APH1B: variants seen among roughly 807,000 people sequenced by gnomAD.
The protein encoded by APH1B is aph-1B gamma-secretase subunit.
In APH1B, 27 loss-of-function variants were observed where a neutral mutation model predicts 28.2. That is an observed-to-expected ratio of 0.96 (90% CI 0.70 to 1.32). APH1B has a LOEUF of 1.32. APH1B is among the 40% of genes most tolerant of loss of function. The probability of loss-of-function intolerance (pLI) is 0.00; values close to 1 mark genes in which losing one functional copy is unlikely to be tolerated. For synonymous variants in APH1B, 141 were observed against 124.6 expected, an observed-to-expected ratio of 1.13 and a Z score of -0.88; for missense variants, 305 against 313.6, an observed-to-expected ratio of 0.97 and a Z score of 0.21.
intron 4 of APH1B, among the ~76,000 whole-genome samples, chr15:63,297,462 G>C (rs1490024745): frequency 2.0e-5 from 3 of 152,180 alleles, no homozygotes. Context: ...CCCAGGAGGT[G>C]GAGGCTATAG....
chr15:63,304,476 A>G lies in APH1B; in HGVS notation c.607-1138A>G, dbSNP rs1322675956. Among the ~76,000 whole-genome samples, 3 of 152,150 alleles carry G rather than the reference A, an allele frequency of 2.0e-5. No homozygotes were observed. The highest frequency in any genetic ancestry group is 7.2e-5 in the African/African-American group (3 of 41,442). ...TTTAGGAGTTCTTTATGTTTTCTGT[A>G]AAAGAAAAAATCTTTTGTCAGATGT... On this transcript the variant is annotated intron_variant, in intron 5 of 5. Coordinates refer to ENST00000261879, the MANE Select transcript of APH1B (RefSeq NM_031301.4). This position sits in a 1 kb window ranked among gnomAD's most constrained non-coding sequence, Gnocchi z 5.1.
At chr15:63,294,166 A>G (rs926020508) in intron 4 of APH1B, among the ~76,000 whole-genome samples, 1 of 151,814 alleles carries the variant, frequency 6.6e-6, no homozygotes, top group Non-Finnish European at 1.5e-5. Flanking sequence ...ACTGTCCTGT[A>G]GATATGATTG....
chr15:63,288,334 T>C (rs2038469058), intron 4 of APH1B, among the ~76,000 whole-genome samples: 1 of 152,132 alleles, frequency 6.6e-6, no homozygotes, highest in East Asian at 1.9e-4. Flanking sequence ...AAGGTAATAA[T>C]GGAAAAGATA....
chr15:63,288,516 C>T (rs1198905527), intron 4 of APH1B, among the ~76,000 whole-genome samples: 1 of 152,188 alleles, frequency 6.6e-6, no homozygotes, highest in Non-Finnish European at 1.5e-5. Context: ...CATCTGCCCT[C>T]AACTGGTTAG....
chr15:63,290,439 A>G (rs911805969), intron 4 of APH1B, among the ~76,000 whole-genome samples: 4 of 152,236 alleles, frequency 2.6e-5, no homozygotes, highest in African/African-American at 9.6e-5. Flanking sequence ...TGATTATTGA[A>G]TCACTCATTC....
At chr15:63,286,522 T>TC in intron 2 of APH1B, 36 bp from the exon 3 acceptor site, 1 of 1,514,844 alleles carries the variant, frequency 6.6e-7, no homozygotes, top group Non-Finnish European at 8.9e-7. Flanking sequence ...TTTTTTTTTT[T>TC]TTTTCTTCTT....
rs1595761091 is a variant in APH1B at position 63,289,310 on chromosome 15, A to G, written c.478+1764A>G. Among the ~76,000 whole-genome samples, 3 of 152,322 alleles carry G rather than the reference A, an allele frequency of 2.0e-5. No individual in the cohort carries two copies. In the South Asian group the frequency reaches 6.2e-4, roughly 32 times the overall value. On this transcript the variant is annotated intron_variant, in intron 4 of 5. Coordinates refer to ENST00000261879, the MANE Select transcript of APH1B (RefSeq NM_031301.4). ...AATTTGTATTACATTTAAAAATAAGATCCCCAAATTTATATTTATTGTATT... is the reference window on the plus strand; with the variant it reads ...AATTTGTATTACATTTAAAAATAAGGTCCCCAAATTTATATTTATTGTATT...
At chr15:63,279,766 A>G (rs1289179882) in intron 2 of APH1B, among the ~76,000 whole-genome samples, 1 of 151,434 alleles carries the variant, frequency 6.6e-6, no homozygotes, top group Non-Finnish European at 1.5e-5. Flanking sequence ...TAGAATGTAT[A>G]TGTTCTCTTT....
rs1434420814 is a variant in APH1B, at chr15:63,305,600, T to C, written c.607-14T>C. 8 of 1,613,432 alleles carry C rather than the reference T, an allele frequency of 5.0e-6. No individual in the cohort carries two copies. The highest frequency in any genetic ancestry group is 6.8e-6 in the Non-Finnish European group (8 of 1,179,886). On this transcript the variant is annotated splice_polypyrimidine_tract_variant and intron_variant, in intron 5 of 5. Transcript: ENST00000261879. The stretch of plus-strand genomic sequence containing the variant: ...TGCTGTTATTACCCAAGCTGATTTA[T>C]TTTTCTTTTGCAGACCTTCATAAGT...
intron 4 of APH1B, among the ~76,000 whole-genome samples, chr15:63,288,089 C>T (rs767305997): frequency 1.3e-5 from 2 of 152,158 alleles, no homozygotes; most frequent in Non-Finnish European, 2.9e-5. Context: ...TGGTAGCGTA[C>T]ATAATTAACA....
At chr15:63,279,363 C>T (rs752448819) in intron 2 of APH1B, 32 bp downstream of exon 2, 1 of 1,556,052 alleles carries the variant, frequency 6.4e-7, no homozygotes, top group East Asian at 2.3e-5. Flanking sequence ...CCTTTTTTTT[C>T]CCCAGTTAGA....
chr15:63,287,479 A>C lies in APH1B; in HGVS notation c.411A>C (p.Leu137=). ...GAGTATTTTCCTTTGTGAATACCCTATCTGACTCCTTGGGGCCAGGCACAG... is the reference window on the plus strand; with the variant it reads ...GAGTATTTTCCTTTGTGAATACCCTCTCTGACTCCTTGGGGCCAGGCACAG... The part of the protein sequence containing the change: ...MSGVFSFVNT[L]SDSLGPGTVG... Residue 137 remains leucine, a synonymous_variant, in exon 4 of 6, where the codon CTA becomes CTC. Coordinates refer to ENST00000261879, the MANE Select transcript of APH1B (RefSeq NM_031301.4). 4.3e-6 allele frequency: 7 copies of C among 1,614,070 alleles called. No homozygotes were observed. Among genetic ancestry groups the C allele is most frequent in the Non-Finnish European group, 5.9e-6 (7 of 1,179,932 alleles).
rs375242540 is a variant in APH1B, at chr15:63,279,229, A to T, written c.182A>T (p.Asp61Val). ...LVWFMARVII[D>V]NKDGPTQKYL... Reference sequence around the variant, plus strand: ...TGGTTCATGGCAAGAGTCATTATTGACAACAAAGATGGACCAACACAGAAA... The same window carrying T: ...TGGTTCATGGCAAGAGTCATTATTGTCAACAAAGATGGACCAACACAGAAA... The change falls in exon 2 of 6, where the codon GAC becomes GTC. Residue 61 changes from aspartate (D) to valine (V), a missense_variant. Physicochemically the swap from Asp to Val is radical, Grantham distance 152. Coordinates refer to ENST00000261879, the MANE Select transcript of APH1B (RefSeq NM_031301.4). 3 of 1,612,922 alleles carry T rather than the reference A, an allele frequency of 1.9e-6. No individual in the cohort carries two copies. The African/African-American group carries it at 4.0e-5, about 22-fold the overall frequency.
intron 3 of APH1B, 71 bp downstream of exon 3, chr15:63,286,699 G>A (rs1023084528): frequency 1.5e-5 from 21 of 1,386,660 alleles, no homozygotes; most frequent in Non-Finnish European, 2.1e-5. Context: ...TGCATCTTTT[G>A]TATCTTTGTA....
intron 5 of APH1B, among the ~76,000 whole-genome samples, chr15:63,303,876 CA>C (rs1567033415): frequency 1.0e-5 from 1 of 95,584 alleles, no homozygotes; most frequent in Non-Finnish European, 2.2e-5. Flanking sequence ...ACACACACAA[CA>C]CACACACACA....
At chr15:63,288,262 A>G (rs1381058864) in intron 4 of APH1B, among the ~76,000 whole-genome samples, 1 of 152,182 alleles carries the variant, frequency 6.6e-6, no homozygotes, top group Non-Finnish European at 1.5e-5. Flanking sequence ...CTCCTCAGGG[A>G]GCTTATCCTC....
At position 63,277,743 on chromosome 15, in the gene APH1B, C is replaced by T. The variant is rs1049040282; in HGVS notation, c.113+7C>T. 1 of 1,607,026 alleles carries T rather than the reference C, an allele frequency of 6.2e-7. No homozygotes were observed. The highest frequency in any genetic ancestry group is 8.5e-7 in the Non-Finnish European group (1 of 1,176,462). ...TCATCTTCCTCATCGCCGGGTGAGG[C>T]GGTCGCGTCGGGAAACCCGGACGCC... On this transcript the variant is annotated splice_region_variant and intron_variant, in intron 1 of 5. Transcript: ENST00000261879.
intron 2 of APH1B, among the ~76,000 whole-genome samples, chr15:63,286,053 G>A (rs2038441867): frequency 6.6e-6 from 1 of 152,226 alleles, no homozygotes; most frequent in East Asian, 1.9e-4. Flanking sequence ...GCTGCCTGAA[G>A]TGGACTCTGA....
At chr15:63,301,741 T>C (rs1287831907) in intron 4 of APH1B, among the ~76,000 whole-genome samples, 2 of 151,376 alleles carry the variant, frequency 1.3e-5, no homozygotes, top group Admixed American at 6.6e-5. Context: ...GCCTCCCGAA[T>C]AGTTGGGATT....
Sources: allele counts gnomAD v4.1 joint callset (sites outside exome capture counted in the v4.1 genomes callset), GRCh38; gene constraint gnomAD v4.1.1; non-coding constraint Gnocchi (gnomAD v3.1); transcripts MANE v1.5; gene names NCBI Gene and HGNC (gene_info 2026-07-23, HGNC 2026-07-21).